SLC2A9: variants seen among roughly 807,000 people sequenced by gnomAD.
The protein encoded by SLC2A9 is solute carrier family 2 member 9.
In SLC2A9, 39 loss-of-function variants were observed where a neutral mutation model predicts 50.6. The ratio of observed to expected loss-of-function variants is 0.77; its 90% CI spans 0.60 to 1.01. SLC2A9 has a LOEUF of 1.01. SLC2A9 is among the 50% of genes least tolerant of loss of function. The pLI, the probability that SLC2A9 is intolerant of heterozygous loss-of-function variation, is 0.00. For missense variants in SLC2A9, 686 were observed against 677.6 expected, an observed-to-expected ratio of 1.01 and a Z score of -0.14; for synonymous variants, 324 against 276.9, an observed-to-expected ratio of 1.17 and a Z score of -1.69.
chr4:9,819,536 C>T (rs933136449), intron 3 of SLC2A9, among the ~76,000 whole-genome samples: 2 of 152,178 alleles, frequency 1.3e-5, no homozygotes, highest in African/African-American at 2.4e-5. Context: ...GTTTTGAATG[C>T]TCTTCATGTA....
chr4:9,840,566 C>T (rs1439329807), intron 10 of SLC2A9, among the ~76,000 whole-genome samples: 2 of 152,084 alleles, frequency 1.3e-5, no homozygotes, highest in African/African-American at 2.4e-5. Context: ...ACCTCTAAGC[C>T]TTCCACCTAG....
chr4:9,954,330 A>C (rs1328312063), intron 5 of SLC2A9, among the ~76,000 whole-genome samples: 2 of 152,254 alleles, frequency 1.3e-5, no homozygotes, highest in East Asian at 3.8e-4. Flanking sequence ...GGGGCTCCCC[A>C]CTGGAAGACT....
chr4:9,848,492 C>T (rs892905276), intron 10 of SLC2A9, among the ~76,000 whole-genome samples: 1 of 152,062 alleles, frequency 6.6e-6, no homozygotes, highest in Non-Finnish European at 1.5e-5. Flanking sequence ...TTATTTATTT[C>T]CATGGATTGC....
upstream of SLC2A9, among the ~76,000 whole-genome samples, chr4:10,023,681 C>T (rs1308923637): frequency 6.6e-6 from 1 of 152,236 alleles, no homozygotes; most frequent in Non-Finnish European, 1.5e-5. Flanking sequence ...ACAGCACTTG[C>T]CTCACCTTCA....
chr4:9,895,226 G>A (rs1015790019), intron 8 of SLC2A9, among the ~76,000 whole-genome samples: 2 of 152,156 alleles, frequency 1.3e-5, no homozygotes, highest in African/African-American at 2.4e-5. Flanking sequence ...CCAATGAAAG[G>A]CTGAACACAT....
At chr4:9,794,501 C>T (rs563856853), downstream of SLC2A9, among the ~76,000 whole-genome samples, 3 of 152,274 alleles carry the variant, frequency 2.0e-5, no homozygotes, top group Admixed American at 1.3e-4. Context: ...TCATTCTCAC[C>T]ATACAGCTAA....
At chr4:9,772,158 G>A (rs576181462) in intron 1 of SLC2A9, among the ~76,000 whole-genome samples, 1 of 152,278 alleles carries the variant, frequency 6.6e-6, no homozygotes, top group African/African-American at 2.4e-5. Flanking sequence ...AGATAGGAGT[G>A]GGGGTGAAGA....
intron 6 of SLC2A9, among the ~76,000 whole-genome samples, chr4:9,928,613 T>C (rs1189794056): frequency 1.3e-5 from 2 of 151,992 alleles, no homozygotes. Flanking sequence ...GGGTGCCTGT[T>C]GTCCCAGCTA....
intron 11 of SLC2A9, 101 bp from the exon 12 acceptor site, chr4:9,826,701 C>A: frequency 9.4e-7 from 1 of 1,066,154 alleles, no homozygotes; most frequent in Non-Finnish European, 1.4e-6. Flanking sequence ...CATTCATATA[C>A]CAATACTCCT....
downstream of SLC2A9, among the ~76,000 whole-genome samples, chr4:9,779,384 A>G (rs1560272252): frequency 6.6e-6 from 1 of 150,974 alleles, no homozygotes; most frequent in Non-Finnish European, 1.5e-5. Context: ...TCTTTGGATT[A>G]TTCCTGGGTT....
At chr4:9,855,317 C>T (rs1170664621) in intron 10 of SLC2A9, among the ~76,000 whole-genome samples, 1 of 152,124 alleles carries the variant, frequency 6.6e-6, no homozygotes, top group African/African-American at 2.4e-5. Context: ...ACACCAACAA[C>T]ATCCAAGCTG....
At chr4:9,908,438 A>T in intron 7 of SLC2A9, 93 bp from the exon 8 acceptor site, 2 of 872,830 alleles carry the variant, frequency 2.3e-6, no homozygotes, top group African/African-American at 1.6e-5. Flanking sequence ...TGGTCTCTGG[A>T]TTAAACTCAG....
intron 10 of SLC2A9, among the ~76,000 whole-genome samples, chr4:9,878,706 C>T (rs1013475182): frequency 6.6e-6 from 1 of 151,974 alleles, no homozygotes; most frequent in African/African-American, 2.4e-5. Context: ...TGAGGGTAGC[C>T]TTGGGAACCC....
chr4:9,863,995 C>T (rs540833460), intron 10 of SLC2A9, among the ~76,000 whole-genome samples: 63 of 152,140 alleles, frequency 4.1e-4, no homozygotes, highest in Non-Finnish European at 7.2e-4. Flanking sequence ...AGTGCATACA[C>T]TTTTTCCCCA....
At chr4:9,860,756 G>T (rs376904135) in intron 10 of SLC2A9, among the ~76,000 whole-genome samples, 155 of 152,334 alleles carry the variant, frequency 1.0e-3, no homozygotes, top group Non-Finnish European at 1.9e-3. Flanking sequence ...AGTATCGATT[G>T]TCTCCCAGGC....
chr4:9,976,181 T>C (rs1334707971), intron 5 of SLC2A9, among the ~76,000 whole-genome samples: 1 of 152,216 alleles, frequency 6.6e-6, no homozygotes, highest in Non-Finnish European at 1.5e-5. Context: ...GGATAAATTA[T>C]ACCCCAAACT....
At chr4:9,846,810 T>C (rs1687504132) in intron 10 of SLC2A9, among the ~76,000 whole-genome samples, 1 of 152,218 alleles carries the variant, frequency 6.6e-6, no homozygotes, top group African/African-American at 2.4e-5. Flanking sequence ...CCTTAATTCA[T>C]ATTTATTAAA....
chr4:10,006,986 G>A (rs182973593), intron 2 of SLC2A9, among the ~76,000 whole-genome samples: 2 of 152,090 alleles, frequency 1.3e-5, no homozygotes, highest in Admixed American at 6.6e-5. Flanking sequence ...GGGATGAAGC[G>A]CGTCCCGTGA....
At chr4:9,805,251 C>T (rs1721968154) in intron 3 of SLC2A9, among the ~76,000 whole-genome samples, 2 of 152,230 alleles carry the variant, frequency 1.3e-5, no homozygotes, top group Admixed American at 6.5e-5. Flanking sequence ...GTCAACCTCT[C>T]CATGGGACGC....
Sources: gnomAD v4.1 joint callset for allele counts (sites outside exome capture counted in the v4.1 genomes callset) on GRCh38, gnomAD v4.1.1 for gene constraint, MANE v1.5 for transcripts, NCBI Gene and HGNC (gene_info 2026-07-23, HGNC 2026-07-21) for gene names.